The following FSTL4 variants were observed in gnomAD, a reference collection of about 807,000 sequenced individuals.
The protein encoded by FSTL4 is follistatin like 4, also known as follistatin-related protein 4.
FSTL4 carries 28 observed loss-of-function variants against 78.2 expected under a neutral mutation model. The ratio of observed to expected loss-of-function variants is 0.36; its 90% CI spans 0.27 to 0.49. The LOEUF (loss-of-function observed/expected upper bound fraction) is 0.49. FSTL4 is among the 20% of genes least tolerant of loss of function. FSTL4 has a pLI of 0.98. For synonymous variants in FSTL4, 422 were observed against 440.5 expected (o/e 0.96, Z 0.53); for missense variants, 922 against 1,084.9 (o/e 0.85, Z 2.11).
chr5:133,535,237 C>T (rs894049596), intron 3 of FSTL4, among the ~76,000 whole-genome samples: 1 of 152,186 alleles, frequency 6.6e-6, no homozygotes, highest in East Asian at 1.9e-4. Context: ...ACTGTGAGAA[C>T]TGTTGGGAGC....
At position 133,400,715 on chromosome 5, in the gene FSTL4, C is replaced by T. The variant is rs538649913; in HGVS notation, c.409+23G>A. ...AGACCCATCACAAAACCCAAAACCA[C>T]AGGGCAAGGGCCCTGTTCCTACCTT... On this transcript the variant is annotated intron_variant, in intron 4 of 15. Transcript: ENST00000265342. 20 of 1,605,226 alleles carry T rather than the reference C, an allele frequency of 1.2e-5. No homozygotes were observed. The African/African-American group carries it at 2.3e-4, about 18-fold the overall frequency.
At chr5:133,464,623 T>G (rs1006624314) in intron 3 of FSTL4, among the ~76,000 whole-genome samples, 1 of 151,914 alleles carries the variant, frequency 6.6e-6, no homozygotes, top group Non-Finnish European at 1.5e-5. Flanking sequence ...CTTCCCCCCA[T>G]GGAGGGGAGA....
intron 4 of FSTL4, among the ~76,000 whole-genome samples, chr5:133,347,091 T>C (rs961386289): frequency 7.9e-5 from 12 of 152,250 alleles, no homozygotes; most frequent in Non-Finnish European, 1.8e-4. Context: ...CTGTTGGTTC[T>C]TCCCTTTTGT....
At chr5:133,424,330 C>T (rs1756760833) in intron 3 of FSTL4, among the ~76,000 whole-genome samples, 1 of 152,200 alleles carries the variant, frequency 6.6e-6, no homozygotes, top group Non-Finnish European at 1.5e-5. Flanking sequence ...GTGATGGAAG[C>T]ATCTCCTGGG....
chr5:133,490,156 G>A (rs530703504), intron 3 of FSTL4, among the ~76,000 whole-genome samples: 18 of 150,508 alleles, frequency 1.2e-4, no homozygotes, highest in Admixed American at 4.6e-4. Context: ...TAAATCTGCA[G>A]GGTGCCATGA....
At chr5:133,366,385 C>A (rs1036557685) in intron 4 of FSTL4, among the ~76,000 whole-genome samples, 1 of 152,128 alleles carries the variant, frequency 6.6e-6, no homozygotes, top group Non-Finnish European at 1.5e-5. Context: ...TGTGTTTATT[C>A]TCTGTCTCTA....
the FSTL4 span, among the ~76,000 whole-genome samples, chr5:133,684,622 G>A: frequency 2.1e-3 from 327 of 152,234 alleles, 1 homozygote; most frequent in African/African-American, 7.4e-3. Context: ...TGGTCTTTCT[G>A]CCTTCGAGTA....
the FSTL4 span, among the ~76,000 whole-genome samples, chr5:133,732,216 C>T: frequency 1.3e-5 from 2 of 152,190 alleles, no homozygotes; most frequent in Non-Finnish European, 2.9e-5. Context: ...AACTTGTTTA[C>T]TAGAGTGAGA....
At chr5:133,332,892 G>A (rs1234509555) in intron 4 of FSTL4, among the ~76,000 whole-genome samples, 1 of 152,178 alleles carries the variant, frequency 6.6e-6, no homozygotes, top group African/African-American at 2.4e-5. Context: ...ACAAGGCTGG[G>A]GTGAGAAACT....
the FSTL4 span, among the ~76,000 whole-genome samples, chr5:133,695,499 C>A: frequency 6.6e-6 from 1 of 152,206 alleles, no homozygotes; most frequent in African/African-American, 2.4e-5. Flanking sequence ...TGTACATAAA[C>A]ATAGTTCCCA....
chr5:133,653,899 G>A, the FSTL4 span, among the ~76,000 whole-genome samples: 3 of 152,210 alleles, frequency 2.0e-5, no homozygotes, highest in African/African-American at 7.2e-5. Flanking sequence ...GCAGTGGTCT[G>A]CACTGACAGG....
Position 133,233,552 on chromosome 5 carries a change from G to A in FSTL4, c.895-15C>T, listed in dbSNP as rs1751562878. On this transcript the variant is annotated splice_polypyrimidine_tract_variant and intron_variant, in intron 7 of 15. Coordinates refer to ENST00000265342, the MANE Select transcript of FSTL4 (RefSeq NM_015082.2). The stretch of plus-strand genomic sequence containing the variant: ...TCTCCAAAGTCCTGCACAGGGCAAA[G>A]ATGACGATGAGACTGGCCTCTTTAT... The A allele has an allele frequency of 6.3e-7, 1 of 1,583,698 alleles. No individual in the cohort carries two copies. The highest frequency in any genetic ancestry group is 8.5e-7 in the Non-Finnish European group (1 of 1,170,236).
chr5:133,254,249 T>A (rs1367669090), intron 6 of FSTL4, among the ~76,000 whole-genome samples: 2 of 152,240 alleles, frequency 1.3e-5, no homozygotes, highest in African/African-American at 2.4e-5. Context: ...GGTTGCAAGA[T>A]GTCCATTGGT....
intron 3 of FSTL4, among the ~76,000 whole-genome samples, chr5:133,535,198 T>A (rs1472401066): frequency 1.3e-5 from 2 of 152,186 alleles, no homozygotes; most frequent in African/African-American, 4.8e-5. Flanking sequence ...CTGGTCAGCA[T>A]CCTGATCTTG....
intron 4 of FSTL4, among the ~76,000 whole-genome samples, chr5:133,336,320 A>C (rs1215034846): frequency 6.6e-6 from 1 of 152,226 alleles, no homozygotes; most frequent in Non-Finnish European, 1.5e-5. Flanking sequence ...CCTGCCTTCC[A>C]CTACGCTGAG....
chr5:133,652,225 T>C, the FSTL4 span, among the ~76,000 whole-genome samples: 10 of 152,184 alleles, frequency 6.6e-5, no homozygotes, highest in East Asian at 1.7e-3. Context: ...ATTTTCCCCA[T>C]TGATTTTCTT....
the FSTL4 span, among the ~76,000 whole-genome samples, chr5:133,707,526 A>T: frequency 6.6e-6 from 1 of 152,352 alleles, no homozygotes; most frequent in East Asian, 1.9e-4. Context: ...CTTGGAAAGC[A>T]TCCCTGTAGC....
chr5:133,643,590 T>G, the FSTL4 span, among the ~76,000 whole-genome samples: 1 of 152,090 alleles, frequency 6.6e-6, no homozygotes, highest in African/African-American at 2.4e-5. Flanking sequence ...GGTGGTCCTC[T>G]GGAGTTCTTC....
chr5:133,500,224 A>G (rs1376743812), intron 3 of FSTL4, among the ~76,000 whole-genome samples: 2 of 152,100 alleles, frequency 1.3e-5, no homozygotes, highest in Non-Finnish European at 2.9e-5. Context: ...CTGATCCTTG[A>G]GTGTCCCTGG....
Sources: allele counts gnomAD v4.1 joint callset (sites outside exome capture counted in the v4.1 genomes callset), GRCh38; gene constraint gnomAD v4.1.1; transcripts MANE v1.5; gene names NCBI Gene and HGNC (gene_info 2026-07-23, HGNC 2026-07-21).